Variants in CAPN1 observed in about 807,000 individuals in gnomAD.
CAPN1 encodes the protein calpain 1, also known as calpain-1 catalytic subunit.
CAPN1 carries 77 observed loss-of-function variants against 105.2 expected under a neutral mutation model. That is an observed-to-expected ratio of 0.73 (90% CI 0.61 to 0.88). CAPN1 has a LOEUF of 0.88. Ranked by LOEUF, CAPN1 falls within the 40% of genes least tolerant of loss-of-function variation. The pLI is 0.00. For missense variants in CAPN1, 833 were observed against 976.6 expected, an observed-to-expected ratio of 0.85 and a Z score of 1.96; for synonymous variants, 355 against 388.8, an observed-to-expected ratio of 0.91 and a Z score of 1.02.
At position 65,182,974 on chromosome 11, in the gene CAPN1, A is replaced by C. The variant is rs1226594383; in HGVS notation, c.267+6A>C. The C allele has an allele frequency of 2.5e-6, 4 of 1,613,068 alleles. No individual in the cohort carries two copies. The African/African-American group carries it at 4.0e-5, about 16-fold the overall frequency. On this transcript the variant is annotated splice_donor_region_variant and intron_variant, in intron 2 of 21. Coordinates refer to ENST00000279247, the MANE Select transcript of CAPN1 (RefSeq NM_005186.4). ...TCAAGTGGAAGCGTCCCACGGTGAG[A>C]GGGGCCATCCTGGGTGGGACTCGGC...
Position 65,183,179 on chromosome 11 carries a change from A to G in CAPN1, c.319A>G (p.Ile107Val), listed in dbSNP as rs749341081. 3.1e-6 allele frequency: 5 copies of G among 1,613,794 alleles called. No individual in the cohort carries two copies. In the African/African-American group the frequency reaches 6.7e-5, roughly 22 times the overall value. Reference protein sequence around the residue: ...FIVDGATRTDICQGALGDCWL... With the variant: ...FIVDGATRTDVCQGALGDCWL... ...TGTGGATGGAGCTACCCGCACAGAC[A>G]TCTGCCAGGGAGCACTGGGTAGGCC... Residue 107 changes from isoleucine (I) to valine (V), a missense_variant, in exon 3 of 22, where the codon ATC becomes GTC. Coordinates refer to ENST00000279247, the MANE Select transcript of CAPN1 (RefSeq NM_005186.4).
At chr11:65,189,606 T>C (rs1341220552) in intron 10 of CAPN1, among the ~76,000 whole-genome samples, 2 of 152,164 alleles carry the variant, frequency 1.3e-5, no homozygotes, top group Non-Finnish European at 2.9e-5. Context: ...CATCTTGCCT[T>C]CTCTCCTTAC....
chr11:65,204,952 C>A (rs1948932630), intron 11 of CAPN1, 94 bp downstream of exon 11: 2 of 1,044,938 alleles, frequency 1.9e-6, no homozygotes, highest in Admixed American at 2.4e-5. Context: ...CCAGGGGGCG[C>A]CAGGGACCAT....
At chr11:65,201,980 G>A (rs1216427946) in intron 10 of CAPN1, among the ~76,000 whole-genome samples, 2 of 151,804 alleles carry the variant, frequency 1.3e-5, no homozygotes, top group Non-Finnish European at 2.9e-5. Context: ...CCACCACCAT[G>A]CCTGGCTAAT....
At chr11:65,181,674 C>A (rs956040731), upstream of CAPN1, 3 of 341,948 alleles carry the variant, frequency 8.8e-6, no homozygotes, top group Non-Finnish European at 1.8e-5. The surrounding 1 kb of genome is among the most constrained non-coding windows in gnomAD (Gnocchi z 4.6). Flanking sequence ...CCCCAGCCCC[C>A]CCATCCCCCC....
At chr11:65,198,442 A>G (rs1016195863) in intron 10 of CAPN1, among the ~76,000 whole-genome samples, 1 of 152,136 alleles carries the variant, frequency 6.6e-6, no homozygotes, top group Non-Finnish European at 1.5e-5. Context: ...CACTGTGCCC[A>G]GCCCTAATCA....
intron 2 of CAPN1, 31 bp from the exon 3 acceptor site, chr11:65,183,097 G>A (rs1948569207): frequency 1.9e-6 from 3 of 1,613,222 alleles, no homozygotes; most frequent in Middle Eastern, 1.7e-4. Context: ...GGAGGGGCTG[G>A]CCGAGGAACA....
chr11:65,197,893 A>C (rs976450182), intron 10 of CAPN1, among the ~76,000 whole-genome samples: 3 of 151,036 alleles, frequency 2.0e-5, no homozygotes, highest in Non-Finnish European at 4.4e-5. Flanking sequence ...TATCTGAAAA[A>C]AAAAAAAAAA....
In CAPN1 at chr11:65,209,236, C is replaced by T; in HGVS notation, c.1730-87C>T. On this transcript the variant is annotated intron_variant, in intron 16 of 21. Coordinates refer to ENST00000279247, the MANE Select transcript of CAPN1 (RefSeq NM_005186.4). This position sits in a 1 kb window ranked among gnomAD's most constrained non-coding sequence, Gnocchi z 4.1. ...ACCCACTCGTCAGGATTTGTGCGTC[C>T]TTGACTCTGCCCCACCCAGTGCTCC... is the stretch of plus-strand genomic sequence containing the variant. 9.5e-7 allele frequency: 1 copy of T among 1,056,426 alleles called. No homozygotes were observed. The highest frequency in any genetic ancestry group is 1.3e-5 in the South Asian group (1 of 74,900). The allele number at this position is 1,056,426 out of a possible 1,614,324, so 65.4% of individuals were successfully genotyped here.
chr11:65,187,847 G>A lies in CAPN1; in HGVS notation c.844-108G>A, dbSNP rs568363665. 1.6e-4 allele frequency: 118 copies of A among 729,374 alleles called. No homozygotes were observed. In the African/African-American group the frequency reaches 1.6e-3, roughly 10 times the overall value. 45.2% of individuals were successfully genotyped at this position (729,374 alleles called of 1,614,324 possible). ...GCGGAGGTTGCAGTGAGCTGAGATCGCACCACTGCACTCCAGCCTGGGTGA... is the reference window on the plus strand; with the variant it reads ...GCGGAGGTTGCAGTGAGCTGAGATCACACCACTGCACTCCAGCCTGGGTGA... On this transcript the variant is annotated intron_variant, in intron 7 of 21. Transcript: ENST00000279247.
rs984519839 is a variant in CAPN1, at chr11:65,208,013, G to A, written c.1606-42G>A. 3 of 1,522,632 alleles carry A rather than the reference G, an allele frequency of 2.0e-6. No homozygotes were observed. The highest frequency in any genetic ancestry group is 3.9e-5 in the Admixed American group (2 of 51,396). 94.3% of individuals were successfully genotyped at this position (1,522,632 alleles called of 1,614,324 possible). ...CTCCAGCTGCCTCCACACGGGCAGG[G>A]CCGGGGCCTCTCTTACCTGCTTTCT... On this transcript the variant is annotated intron_variant, in intron 14 of 21. Coordinates refer to ENST00000279247, the MANE Select transcript of CAPN1 (RefSeq NM_005186.4). This position sits in a 1 kb window ranked among gnomAD's most constrained non-coding sequence, Gnocchi z 4.1.
In CAPN1 at chr11:65,189,039, T is replaced by C. The variant is rs570660572; in HGVS notation, c.1165+293T>C. 9.2e-5 allele frequency among the ~76,000 whole-genome samples: 14 copies of C among 152,042 alleles called. No homozygotes were observed. In the South Asian group the frequency reaches 2.9e-3, roughly 32 times the overall value. On this transcript the variant is annotated intron_variant, in intron 10 of 21. Transcript: ENST00000279247. ...TCCCTCCTGCCTTCGCTTTTTTTTT[T>C]CTGAGACAGAGTCTCACTCTGTTGC...
chr11:65,194,437 A>G (rs1476992182), intron 10 of CAPN1, among the ~76,000 whole-genome samples: 1 of 152,244 alleles, frequency 6.6e-6, no homozygotes, highest in African/African-American at 2.4e-5. Context: ...GTGAATGAGT[A>G]TAATTCACAC....
At chr11:65,185,545 C>T (rs1260439422) in intron 4 of CAPN1, among the ~76,000 whole-genome samples, 1 of 151,870 alleles carries the variant, frequency 6.6e-6, no homozygotes, top group African/African-American at 2.4e-5. Context: ...TACAGGGCTA[C>T]TTCTGTTTGC....
In CAPN1 at chr11:65,183,267, TC is replaced by T; in HGVS notation, c.337+71del. ...GTTCCCCATTCCCGCTCCTTCAGGC[TC>T]TGCCCCAACCCCTCCCTCTTGCAAG... On this transcript the variant is annotated intron_variant, in intron 3 of 21. Coordinates refer to ENST00000279247, the MANE Select transcript of CAPN1 (RefSeq NM_005186.4). 2.8e-6 allele frequency: 4 copies of T among 1,452,728 alleles called. No homozygotes were observed. The South Asian group carries it at 3.4e-5, about 13-fold the overall frequency. 90.0% of individuals were successfully genotyped at this position (1,452,728 alleles called of 1,614,324 possible).
intron 10 of CAPN1, among the ~76,000 whole-genome samples, chr11:65,201,101 C>T (rs527429226): frequency 1.3e-5 from 2 of 151,732 alleles, no homozygotes; most frequent in Admixed American, 6.6e-5. Context: ...CCCACCACCA[C>T]GCCCGGGTAA....
At chr11:65,204,901 A>G (rs1948931196) in intron 11 of CAPN1, 43 bp downstream of exon 11, 11 of 1,550,792 alleles carry the variant, frequency 7.1e-6, no homozygotes, top group Non-Finnish European at 9.7e-6. Context: ...GAGCAGGCAG[A>G]GGACCTGGCG....
intron 4 of CAPN1, among the ~76,000 whole-genome samples, chr11:65,184,698 C>T (rs1340600929): frequency 6.6e-6 from 1 of 152,170 alleles, no homozygotes; most frequent in Non-Finnish European, 1.5e-5. Context: ...GACACAGGTG[C>T]CCCTAACCCC....
At chr11:65,184,529 C>T (rs1948604469) in intron 4 of CAPN1, among the ~76,000 whole-genome samples, 1 of 151,372 alleles carries the variant, frequency 6.6e-6, no homozygotes, top group Non-Finnish European at 1.5e-5. Context: ...ACCTCGAGTC[C>T]TTGGTCGCTT....
Sources: allele counts gnomAD v4.1 joint callset (sites outside exome capture counted in the v4.1 genomes callset), GRCh38; gene constraint gnomAD v4.1.1; non-coding constraint Gnocchi (gnomAD v3.1); transcripts MANE v1.5; gene names NCBI Gene and HGNC (gene_info 2026-07-23, HGNC 2026-07-21).